Variants in CFAP70 observed in about 807,000 individuals in gnomAD.
CFAP70 encodes the protein cilia- and flagella-associated protein 70.
In CFAP70, 81 loss-of-function variants were observed where a neutral mutation model predicts 137.6. The ratio of observed to expected loss-of-function variants is 0.59; its 90% CI spans 0.49 to 0.71. CFAP70 has a LOEUF of 0.71. Among genes scored for constraint, CFAP70 ranks in the 30% least tolerant of loss-of-function variants. The pLI is 0.00. For synonymous variants in CFAP70, 382 were observed against 423.6 expected (o/e 0.90, Z 1.20); for missense variants, 976 against 1,226.7 (o/e 0.80, Z 3.05).
At chr10:73,309,291 G>A (rs1005006617) in intron 12 of CFAP70, among the ~76,000 whole-genome samples, 2 of 152,132 alleles carry the variant, frequency 1.3e-5, no homozygotes, top group African/African-American at 2.4e-5. Context: ...TAGCACACAA[G>A]CAAAGCACTA....
At chr10:73,277,240 C>T in exon 21 of CFAP70, 1 of 1,612,584 alleles carries the variant, frequency 6.2e-7, no homozygotes, top group Non-Finnish European at 8.5e-7. Context: ...ATACTCTGAC[C>T]TGCACAGCCT....
At chr10:73,264,146 T>G (rs2045539171) in intron 25 of CFAP70, among the ~76,000 whole-genome samples, 2 of 152,230 alleles carry the variant, frequency 1.3e-5, no homozygotes, top group African/African-American at 4.8e-5. Flanking sequence ...TTTTACTTTC[T>G]GACTCAACAA....
At chr10:73,354,380 C>A (rs1441818330) in intron 2 of CFAP70, among the ~76,000 whole-genome samples, 1 of 152,006 alleles carries the variant, frequency 6.6e-6, no homozygotes, top group Non-Finnish European at 1.5e-5. Context: ...TTTAGTACAT[C>A]ACATTGTTGT....
upstream of CFAP70, among the ~76,000 whole-genome samples, chr10:73,360,699 A>C (rs773689560): frequency 3.3e-5 from 5 of 152,218 alleles, no homozygotes; most frequent in Admixed American, 6.5e-5. Context: ...CTACTGTGGC[A>C]CTACTGAGTA....
intron 19 of CFAP70, among the ~76,000 whole-genome samples, chr10:73,280,708 G>A (rs2047193827): frequency 6.6e-6 from 1 of 152,098 alleles, no homozygotes; most frequent in African/African-American, 2.4e-5. Flanking sequence ...TTGGCATTAA[G>A]TTGTTAATAA....
chr10:73,329,335 G>A (rs906197299), intron 8 of CFAP70, among the ~76,000 whole-genome samples: 5 of 152,060 alleles, frequency 3.3e-5, no homozygotes, highest in Admixed American at 2.0e-4. Flanking sequence ...CTTTGGGGAC[G>A]GTTGTGGGGT....
At chr10:73,288,962 C>T (rs1019067050) in intron 19 of CFAP70, among the ~76,000 whole-genome samples, 1 of 152,206 alleles carries the variant, frequency 6.6e-6, no homozygotes, top group East Asian at 1.9e-4. Context: ...GCATTCTTTG[C>T]AGTTTATCAT....
At chr10:73,284,991 C>A (rs2047580538) in intron 19 of CFAP70, among the ~76,000 whole-genome samples, 1 of 151,158 alleles carries the variant, frequency 6.6e-6, no homozygotes, top group Admixed American at 6.6e-5. Context: ...ATGCTGCTTC[C>A]ATTACTGTAA....
intron 14 of CFAP70, among the ~76,000 whole-genome samples, chr10:73,298,232 T>G (rs1259904446): frequency 6.6e-6 from 1 of 152,228 alleles, no homozygotes; most frequent in African/African-American, 2.4e-5. Flanking sequence ...AACACCTACT[T>G]TATAGGATTG....
At chr10:73,282,413 G>A (rs1038137493) in intron 19 of CFAP70, among the ~76,000 whole-genome samples, 16 of 151,980 alleles carry the variant, frequency 1.1e-4, no homozygotes, top group Non-Finnish European at 2.1e-4. Flanking sequence ...AGTCCCAGGC[G>A]GGCCACACCA....
intron 8 of CFAP70, among the ~76,000 whole-genome samples, chr10:73,328,627 TCAAA>T (rs1265812927): frequency 7.2e-6 from 1 of 139,176 alleles, no homozygotes; most frequent in Admixed American, 7.1e-5. Flanking sequence ...TACAATGAAC[TCAAA>T]CAAATTTACA....
chr10:73,310,721 T>C (rs73272335), intron 11 of CFAP70, among the ~76,000 whole-genome samples: 2,350 of 152,294 alleles, frequency 0.015, 64 homozygotes, highest in African/African-American at 0.054. Context: ...ATGTCCAAAA[T>C]TGAATTTATT....
rs763459371 is a variant in CFAP70, at chr10:73,278,348, T to G, written c.2240-11A>C. 3.1e-6 allele frequency: 5 copies of G among 1,598,444 alleles called. No individual in the cohort carries two copies. The highest frequency in any genetic ancestry group is 4.3e-6 in the Non-Finnish European group (5 of 1,173,114). ...ATGCAGCTCCTGGTCCTAAATAGAT[T>G]ACATTTTAATGAAAAATAAAACTTC... On this transcript the variant is annotated splice_polypyrimidine_tract_variant and intron_variant, in intron 19 of 26. Transcript: ENST00000310715.
chr10:73,261,745 G>T (rs931752213), intron 25 of CFAP70, among the ~76,000 whole-genome samples: 1 of 151,882 alleles, frequency 6.6e-6, no homozygotes, highest in Non-Finnish European at 1.5e-5. Context: ...AGGCTCAAGC[G>T]ATTTGCCTGC....
In CFAP70 at chr10:73,298,925, A is replaced by T. The variant is rs762317729; in HGVS notation, c.1494T>A (p.Ala498=). Reference sequence around the variant, plus strand: ...GTTTTACCTTGAGTTGTTCTTTGAAAGCAAAGTATTTTCCAGAGCAATTAA... The same window carrying T: ...GTTTTACCTTGAGTTGTTCTTTGAATGCAAAGTATTTTCCAGAGCAATTAA... Residue 498 remains alanine (A), a synonymous_variant, in exon 14 of 27, where the codon GCT becomes GCA. Coordinates refer to ENST00000310715, the Ensembl canonical transcript of CFAP70. 37 of 1,613,808 alleles carry T rather than the reference A, an allele frequency of 2.3e-5. No homozygotes were observed. In the South Asian group the frequency reaches 3.8e-4, roughly 17 times the overall value.
At chr10:73,297,004 A>C in intron 15 of CFAP70, 38 bp downstream of exon 16, 1 of 1,600,370 alleles carries the variant, frequency 6.2e-7, no homozygotes, top group South Asian at 1.1e-5. Flanking sequence ...CTGATGCTCT[A>C]CAGAGAAAAG....
intron 8 of CFAP70, among the ~76,000 whole-genome samples, chr10:73,323,335 G>GA (rs2051060123): frequency 9.5e-6 from 1 of 105,286 alleles, no homozygotes; most frequent in South Asian, 4.5e-4. Context: ...CGGGGGCGGG[G>GA]GGGGGGCAGC....
Position 73,335,737 on chromosome 10 carries a change from A to G in CFAP70, c.583-213T>C, listed in dbSNP as rs531704275. Among the ~76,000 whole-genome samples the G allele has an allele frequency of 1.2e-4, 18 of 152,092 alleles. No homozygotes were observed. In the South Asian group the frequency reaches 3.7e-3, roughly 32 times the overall value. ...TAAGATAAGATAAATTACATATATA[A>G]TAGTTACATTGATCCAGTACTAAGA... On this transcript the variant is annotated intron_variant, in intron 6 of 26. Coordinates refer to ENST00000310715, the Ensembl canonical transcript of CFAP70.
At chr10:73,260,558 T>C (rs1222347095) in intron 25 of CFAP70, among the ~76,000 whole-genome samples, 3 of 152,216 alleles carry the variant, frequency 2.0e-5, no homozygotes, top group Non-Finnish European at 2.9e-5. Flanking sequence ...TTTAACGTTA[T>C]GTTGTGCAAG....
Sources: allele counts gnomAD v4.1 joint callset (sites outside exome capture counted in the v4.1 genomes callset), GRCh38; gene constraint gnomAD v4.1.1; transcripts MANE v1.5; gene names NCBI Gene and HGNC (gene_info 2026-07-23, HGNC 2026-07-21).